Variants in COQ4 observed in about 807,000 individuals in gnomAD.
COQ4 encodes the protein ubiquinone biosynthesis protein COQ4 homolog, mitochondrial.
COQ4 carries 36 observed loss-of-function variants against 30.2 expected under a neutral mutation model. The ratio of observed to expected loss-of-function variants is 1.19; its 90% CI spans 0.91 to 1.57. The LOEUF (loss-of-function observed/expected upper bound fraction) is 1.57, where lower values mean the gene tolerates loss of function less well. COQ4 is among the 40% of genes most tolerant of loss of function. COQ4 has a pLI of 0.00. For synonymous variants in COQ4, 197 were observed against 161.0 expected (o/e 1.22, Z -1.69); for missense variants, 369 against 371.9 (o/e 0.99, Z 0.07).
rs1385214948 is a variant in COQ4, at chr9:128,332,373, C to G, written c.532+91C>G. On this transcript the variant is annotated intron_variant, in intron 5 of 6. Transcript: ENST00000300452. ...CTATCTCCACCACCCTCTGCATCAC[C>G]TGGCTTGGTGCCTCAATTTCTGCTT... 4.9e-6 allele frequency: 7 copies of G among 1,416,802 alleles called. No individual in the cohort carries two copies. The East Asian group carries it at 1.7e-4, about 34-fold the overall frequency. 87.8% of individuals were successfully genotyped at this position (1,416,802 alleles called of 1,614,324 possible).
At chr9:128,326,257 A>C (rs951216082) in intron 4 of COQ4, 39 of 401,862 alleles carry the variant, frequency 9.7e-5, no homozygotes, top group Non-Finnish European at 1.5e-4. Context: ...TAATGGAGAT[A>C]GTAATCAATC....
At chr9:128,329,885 G>T (rs1832377659) in intron 4 of COQ4, among the ~76,000 whole-genome samples, 2 of 152,174 alleles carry the variant, frequency 1.3e-5, no homozygotes, top group Admixed American at 1.3e-4. Flanking sequence ...GTACTCAGAG[G>T]CAGTGGGCAG....
At chr9:128,324,910 C>T (rs1379722856) in intron 2 of COQ4, among the ~76,000 whole-genome samples, 7 of 152,166 alleles carry the variant, frequency 4.6e-5, no homozygotes, top group Admixed American at 2.0e-4. Context: ...ATCTTTACAA[C>T]GTTGTGCTAA....
chr9:128,332,695 G>A (rs1832434566), intron 5 of COQ4, 155 bp from the exon 6 acceptor site: 1 of 679,186 alleles, frequency 1.5e-6, no homozygotes, highest in Non-Finnish European at 2.7e-6. Context: ...TGTACTCCAA[G>A]CCAAGTGCCC....
intron 3 of COQ4, 141 bp downstream of exon 3, chr9:128,325,380 CA>C (rs1197128141): frequency 1.6e-6 from 1 of 634,768 alleles, no homozygotes; most frequent in Non-Finnish European, 2.8e-6. Context: ...GGGCACTGCC[CA>C]ATTCCAGGGG....
At chr9:128,330,717 G>T (rs917826312) in intron 4 of COQ4, 1 of 152,006 alleles carries the variant, frequency 6.6e-6, no homozygotes, top group Admixed American at 6.6e-5. Context: ...CGCCCGCCTC[G>T]GCCTCCCAAA....
At chr9:128,328,396 A>G (rs1832355575) in intron 4 of COQ4, among the ~76,000 whole-genome samples, 1 of 152,212 alleles carries the variant, frequency 6.6e-6, no homozygotes, top group African/African-American at 2.4e-5. Context: ...AGTCTGGCTG[A>G]TGGAGGTGAG....
At chr9:128,332,019 G>A (rs1832421203) in intron 4 of COQ4, 134 bp from the exon 5 acceptor site, 15 of 1,056,592 alleles carry the variant, frequency 1.4e-5, no homozygotes, top group African/African-American at 3.2e-5. Flanking sequence ...CATGAGCCTC[G>A]GCCCCTGGCC....
intron 4 of COQ4, 129 bp downstream of exon 4, chr9:128,326,010 C>A: frequency 1.2e-6 from 1 of 805,090 alleles, no homozygotes; most frequent in Non-Finnish European, 2.1e-6. Context: ...AGGCTCATGC[C>A]AAGGCTTTGT....
Position 128,333,601 on chromosome 9 carries a change from C to T in COQ4, c.754C>T (p.Leu252=), listed in dbSNP as rs774307090. 1 of 1,604,200 alleles carries T rather than the reference C, an allele frequency of 6.2e-7. No homozygotes were observed. The highest frequency in any genetic ancestry group is 1.1e-5 in the South Asian group (1 of 89,474). ...EQSLRALREE[L]GITAPPMHVQ... ...GTCCCTGAGGGCTCTGCGGGAGGAG[C>T]TGGGCATTACAGCACCACCCATGCA... The change falls in exon 7 of 7, where the codon CTG becomes TTG. Residue 252 remains leucine, a synonymous_variant. Coordinates refer to ENST00000300452, the MANE Select transcript of COQ4 (RefSeq NM_016035.5).
At chr9:128,323,348 G>C in intron 2 of COQ4, 1 of 589,466 alleles carries the variant, frequency 1.7e-6, no homozygotes, top group South Asian at 2.3e-5. Context: ...AGAAATGGGC[G>C]TGAAACCGAA....
Position 128,333,853 on chromosome 9 carries a change from C to T in COQ4, c.*208C>T. 2.3e-6 allele frequency: 1 copy of T among 431,780 alleles called. No homozygotes were observed. Among genetic ancestry groups the T allele is most frequent in the African/African-American group, 2.1e-5 (1 of 48,694 alleles). The allele number at this position is 431,780 out of a possible 1,614,324, so 26.7% of individuals were successfully genotyped here. A position where few individuals can be genotyped will look rare whatever the true frequency, so the allele number is the denominator to read the frequency against. ...ACAGTGGCATTCCCAGGGGGACCAG[C>T]AGCTACCCAAGGAGAACCATGCATG... is the stretch of plus-strand genomic sequence containing the variant. On this transcript the variant is annotated 3_prime_UTR_variant, in exon 7 of 7. Coordinates refer to ENST00000300452, the MANE Select transcript of COQ4 (RefSeq NM_016035.5).
Position 128,322,878 on chromosome 9 carries a change from C to T in COQ4, c.20C>T (p.Pro7Leu), listed in dbSNP as rs757859865. The change falls in exon 1 of 7, where the codon CCT (proline) becomes CTT (leucine). Residue 7 changes from proline (P) to leucine (L), a missense_variant. By Grantham distance (98) the Pro-to-Leu change is moderately conservative. Transcript: ENST00000300452. MATLLR[P>L]VLRRLCGLPG... is the part of the protein sequence containing the mutation. ...GCTGCCATGGCGACTCTGCTGCGCC[C>T]TGTCCTCCGTCGGCTCTGCGGGCTC... The T allele has an allele frequency of 4.4e-6, 7 of 1,584,020 alleles. No individual in the cohort carries two copies. The highest frequency in any genetic ancestry group is 2.7e-5 in the African/African-American group (2 of 74,338).
At chr9:128,326,578 G>C (rs1261905150) in intron 4 of COQ4, among the ~76,000 whole-genome samples, 1 of 152,066 alleles carries the variant, frequency 6.6e-6, no homozygotes, top group Non-Finnish European at 1.5e-5. Context: ...GAGTAGCTGG[G>C]ACTACAGGCG....
At chr9:128,322,959 G>A (rs1832234237) in intron 1 of COQ4, 31 bp downstream of exon 1, 3 of 1,604,738 alleles carry the variant, frequency 1.9e-6, no homozygotes, top group Middle Eastern at 1.7e-4. Flanking sequence ...GGCGCAGGCG[G>A]GAAGGAGCCT....
At chr9:128,329,501 C>T (rs1832372243) in intron 4 of COQ4, among the ~76,000 whole-genome samples, 1 of 152,196 alleles carries the variant, frequency 6.6e-6, no homozygotes, top group South Asian at 2.1e-4. Context: ...TCCTGAGTAG[C>T]TGGGACTACA....
Position 128,333,458 on chromosome 9 carries a change from C to T in COQ4, c.627-16C>T. On this transcript the variant is annotated splice_polypyrimidine_tract_variant and intron_variant, in intron 6 of 6. Coordinates refer to ENST00000300452, the MANE Select transcript of COQ4 (RefSeq NM_016035.5). ...CCAGGGACTTGATGTTTTCTTTTTC[C>T]TCTGCTGCCCCACAGGAGCCTGCAA... is the stretch of plus-strand genomic sequence containing the variant. 6.7e-7 allele frequency: 1 copy of T among 1,494,236 alleles called. No homozygotes were observed. Among genetic ancestry groups the T allele is most frequent in the South Asian group, 1.4e-5 (1 of 71,978 alleles). 92.6% of individuals were successfully genotyped at this position (1,494,236 alleles called of 1,614,324 possible).
At chr9:128,323,288 T>A in intron 2 of COQ4, 141 bp downstream of exon 2, 1 of 832,724 alleles carries the variant, frequency 1.2e-6, no homozygotes, top group Non-Finnish European at 1.8e-6. Context: ...TGCAGATTCC[T>A]GGATCCCACC....
chr9:128,323,535 C>G (rs1832254653), intron 2 of COQ4: 1 of 418,750 alleles, frequency 2.4e-6, no homozygotes, highest in Non-Finnish European at 4.2e-6. Flanking sequence ...TGGATAGTGC[C>G]TGGCACATAG....
Sources: allele counts gnomAD v4.1 joint callset (sites outside exome capture counted in the v4.1 genomes callset), GRCh38; gene constraint gnomAD v4.1.1; transcripts MANE v1.5; gene names NCBI Gene and HGNC (gene_info 2026-07-23, HGNC 2026-07-21).